The following UNC13B variants were observed in gnomAD, a reference collection of about 807,000 sequenced individuals.
UNC13B encodes protein unc-13 homolog B.
UNC13B carries 144 observed loss-of-function variants against 211.0 expected under a neutral mutation model. The observed-to-expected ratio is 0.68, with a 90% confidence interval of 0.60 to 0.78. UNC13B has a LOEUF of 0.78. Among genes scored for constraint, UNC13B ranks in the 30% least tolerant of loss-of-function variants. The pLI is 0.00. For missense variants in UNC13B, 1,777 were observed against 2,002.0 expected, an observed-to-expected ratio of 0.89 and a Z score of 2.14; for synonymous variants, 709 against 725.8, an observed-to-expected ratio of 0.98 and a Z score of 0.37.
intron 6 of UNC13B, among the ~76,000 whole-genome samples, chr9:35,254,229 T>G (rs1413123029): frequency 6.6e-6 from 1 of 152,176 alleles, no homozygotes; most frequent in Non-Finnish European, 1.5e-5. Context: ...CTTAGTCTAT[T>G]TGGATTGCTA....
chr9:35,215,248 A>T (rs1824191070), intron 1 of UNC13B, among the ~76,000 whole-genome samples: 2 of 152,070 alleles, frequency 1.3e-5, no homozygotes, highest in South Asian at 2.1e-4. Context: ...CAAAAAATTT[A>T]AAAAATTAGC....
intron 38 of UNC13B, 58 bp downstream of exon 38, chr9:35,403,317 C>G (rs1410065509): frequency 6.2e-7 from 1 of 1,604,716 alleles, no homozygotes; most frequent in Non-Finnish European, 8.5e-7. Flanking sequence ...ACTCATCACT[C>G]AAAAGCAGGG....
rs775281145 is a variant in UNC13B, at chr9:35,310,779, G to T, written c.9321G>T (p.Glu3107Asp). The change falls in exon 10 of 40, where the codon GAG (glutamate) becomes GAT (aspartate). Residue 3107 changes from glutamate to aspartate, a missense_variant and splice_region_variant. Glu to Asp is a conservative substitution (Grantham distance 45). Coordinates refer to ENST00000635942, the MANE Select transcript of UNC13B (RefSeq NM_001371189.2). ...LQKDHFLGPQESFPEENASSP... is the reference protein window; with the variant it reads ...LQKDHFLGPQDSFPEENASSP... ...AAGACCACTTCCTAGGTCCCCAGGA[G>T]AGGTAGGCAACAGCTGCCTTGAGGA... 2.0e-5 allele frequency: 32 copies of T among 1,612,464 alleles called. No homozygotes were observed. In the South Asian group the frequency reaches 3.3e-4, roughly 17 times the overall value.
chr9:35,208,547 G>C (rs566563355), intron 1 of UNC13B, among the ~76,000 whole-genome samples: 15 of 152,310 alleles, frequency 9.8e-5, no homozygotes, highest in African/African-American at 3.4e-4. Flanking sequence ...GGAAGCCCCA[G>C]GAAACCTACA....
chr9:35,206,779 C>G (rs893525009), intron 1 of UNC13B, among the ~76,000 whole-genome samples: 11 of 150,576 alleles, frequency 7.3e-5, no homozygotes, highest in Non-Finnish European at 1.5e-5. Context: ...GAGGCTGAAG[C>G]AGGGGAATCA....
chr9:35,392,733 G>A (rs1358354556), intron 26 of UNC13B, among the ~76,000 whole-genome samples: 1 of 151,754 alleles, frequency 6.6e-6, no homozygotes, highest in Non-Finnish European at 1.5e-5. Context: ...CATGGCACAT[G>A]TATACATATG....
intron 6 of UNC13B, among the ~76,000 whole-genome samples, chr9:35,245,800 G>T (rs1217368255): frequency 6.6e-6 from 1 of 151,972 alleles, no homozygotes. Flanking sequence ...GAATAGTGCC[G>T]CAATAAACAT....
intron 36 of UNC13B, 87 bp from the exon 37 acceptor site, chr9:35,400,209 T>C: frequency 6.4e-7 from 1 of 1,553,044 alleles, no homozygotes; most frequent in Admixed American, 1.8e-5. Flanking sequence ...ATTCTCACAG[T>C]CCTCTTCTTG....
intron 11 of UNC13B, among the ~76,000 whole-genome samples, chr9:35,363,404 G>T (rs1425851410): frequency 6.6e-6 from 1 of 152,142 alleles, no homozygotes; most frequent in Admixed American, 6.5e-5. Context: ...CATTATCCTG[G>T]GGGGGTTGAG....
At chr9:35,310,347 A>G (rs1460890335) in intron 9 of UNC13B, 120 bp from the exon 10 acceptor site, 2 of 1,109,992 alleles carry the variant, frequency 1.8e-6, no homozygotes, top group Non-Finnish European at 2.6e-6. Context: ...CTCTCTTCCC[A>G]GGAACCTCCT....
intron 2 of UNC13B, 47 bp from the exon 3 acceptor site, chr9:35,231,073 C>T: frequency 1.3e-5 from 17 of 1,267,304 alleles, no homozygotes; most frequent in Non-Finnish European, 1.9e-5. Context: ...AGATGGGTAA[C>T]AATCTGAGCA....
At position 35,167,401 on chromosome 9, in the gene UNC13B, T is replaced by C. The variant is rs375081359; in HGVS notation, c.22+5096T>C. 1.4e-4 allele frequency among the ~76,000 whole-genome samples: 22 copies of C among 152,154 alleles called. No individual in the cohort carries two copies. The East Asian group carries it at 4.2e-3, about 29-fold the overall frequency. ...GTATTTTATGCATGGCCCGAGATAATTCTTCTTCCACTGTGGCCCAGGGTA... is the reference window on the plus strand; with the variant it reads ...GTATTTTATGCATGGCCCGAGATAACTCTTCTTCCACTGTGGCCCAGGGTA... On this transcript the variant is annotated intron_variant, in intron 1 of 39. Transcript: ENST00000635942.
At chr9:35,378,861 A>G (rs1834629857) in intron 17 of UNC13B, among the ~76,000 whole-genome samples, 1 of 152,154 alleles carries the variant, frequency 6.6e-6, no homozygotes, top group Admixed American at 6.5e-5. Context: ...AAAACTGGGT[A>G]ATTCTGGCTT....
intron 1 of UNC13B, among the ~76,000 whole-genome samples, chr9:35,205,744 C>T (rs566544285): frequency 6.6e-6 from 1 of 152,248 alleles, no homozygotes; most frequent in East Asian, 1.9e-4. Context: ...CCTTTTTATG[C>T]CTGAATAATA....
intron 3 of UNC13B, among the ~76,000 whole-genome samples, chr9:35,232,860 A>T (rs1222755209): frequency 6.6e-6 from 1 of 152,154 alleles, no homozygotes; most frequent in African/African-American, 2.4e-5. Context: ...AAGGGACTGG[A>T]GTAGAAGCTG....
intron 1 of UNC13B, among the ~76,000 whole-genome samples, chr9:35,221,896 C>T (rs1032253735): frequency 6.6e-6 from 1 of 152,106 alleles, no homozygotes; most frequent in African/African-American, 2.4e-5. Context: ...TTTTCAGTAC[C>T]ATTGTTAAAA....
At chr9:35,358,615 A>G (rs1405547267) in intron 11 of UNC13B, among the ~76,000 whole-genome samples, 1 of 151,240 alleles carries the variant, frequency 6.6e-6, no homozygotes, top group Non-Finnish European at 1.5e-5. Context: ...ATCATTGGTT[A>G]ATCTGAAGTC....
intron 7 of UNC13B, chr9:35,291,220 C>T (rs1829083973): frequency 1.0e-6 from 1 of 1,002,564 alleles, no homozygotes; most frequent in African/African-American, 1.6e-5. Flanking sequence ...CTCTCCTCTC[C>T]TACTTAAATA....
chr9:35,310,698 C>G lies in UNC13B; in HGVS notation c.9240C>G (p.Pro3080=). Reference sequence around the variant, plus strand: ...CAGAGAAGGAGGCAGCATGTGAACCCAAGGAGATGAAAGAAGATGCCACAA... The same window carrying G: ...CAGAGAAGGAGGCAGCATGTGAACCGAAGGAGATGAAAGAAGATGCCACAA... ...GQAEKEAACE[P]KEMKEDATTH... The change falls in exon 10 of 40, where the codon CCC becomes CCG. Residue 3080 remains proline, a synonymous_variant. Transcript: ENST00000635942. The G allele has an allele frequency of 6.2e-7, 1 of 1,613,924 alleles. No individual in the cohort carries two copies. Among genetic ancestry groups the G allele is most frequent in the Non-Finnish European group, 8.5e-7 (1 of 1,179,988 alleles).
Sources: allele counts gnomAD v4.1 joint callset (sites outside exome capture counted in the v4.1 genomes callset), GRCh38; gene constraint gnomAD v4.1.1; transcripts MANE v1.5; gene names NCBI Gene and HGNC (gene_info 2026-07-23, HGNC 2026-07-21).